Variants in HPD observed in about 807,000 individuals in gnomAD.
The protein encoded by HPD is 4-hydroxyphenylpyruvic acid oxidase.
Under a neutral mutation model 56.9 loss-of-function variants are expected in HPD, and 35 were observed. The ratio of observed to expected loss-of-function variants is 0.62; its 90% CI spans 0.47 to 0.82. The LOEUF (loss-of-function observed/expected upper bound fraction) is 0.82. Ranked by LOEUF, HPD falls within the 40% of genes least tolerant of loss-of-function variation. The pLI is 0.00. For missense variants in HPD, 442 were observed against 506.8 expected, an observed-to-expected ratio of 0.87 and a Z score of 1.23; for synonymous variants, 186 against 200.2, an observed-to-expected ratio of 0.93 and a Z score of 0.60.
the HPD span, among the ~76,000 whole-genome samples, chr12:121,870,506 C>CAA: frequency 7.2e-5 from 6 of 83,876 alleles, no homozygotes; most frequent in East Asian, 3.6e-4. Flanking sequence ...GACTCTGTCT[C>CAA]AAAAAAAAAA....
intron 7 of HPD, chr12:121,849,997 T>C: frequency 1.7e-6 from 1 of 585,738 alleles, no homozygotes; most frequent in Non-Finnish European, 3.2e-6. Context: ...GGGGACACTG[T>C]TTTGCTCATG....
At chr12:121,867,751 T>A (rs912723726), upstream of HPD, among the ~76,000 whole-genome samples, 1 of 152,150 alleles carries the variant, frequency 6.6e-6, no homozygotes, top group African/African-American at 2.4e-5. Context: ...TGACCTCAAG[T>A]GGTCCGCCTG....
the HPD span, among the ~76,000 whole-genome samples, chr12:121,883,232 GT>G: frequency 2.2e-5 from 3 of 136,176 alleles, no homozygotes. Flanking sequence ...GTGTGTGTGT[GT>G]GTGGTGGGGT....
chr12:121,861,888 C>T (rs1164315732), upstream of HPD, among the ~76,000 whole-genome samples: 1 of 152,144 alleles, frequency 6.6e-6, no homozygotes, highest in East Asian at 1.9e-4. Flanking sequence ...GTTTTCCAAA[C>T]CTGATCCCAA....
Position 121,840,057 on chromosome 12 carries a change from G to T in HPD, c.955-9C>A. 6.3e-7 allele frequency: 1 copy of T among 1,575,474 alleles called. No individual in the cohort carries two copies. The highest frequency in any genetic ancestry group is 8.7e-7 in the Non-Finnish European group (1 of 1,144,860). ...ACCAGGATTTTCAGCTCCTAGGCGG[G>T]AGACAGGGGGCTCTGCTAGGGGAGG... On this transcript the variant is annotated splice_polypyrimidine_tract_variant and intron_variant, in intron 12 of 13. Transcript: ENST00000289004.
At chr12:121,885,392 G>C in the HPD span, among the ~76,000 whole-genome samples, 6,307 of 151,602 alleles carry the variant, frequency 0.042, 417 homozygotes, top group African/African-American at 0.14. Context: ...GGTGGAGACA[G>C]AGTTTCACCA....
intron 7 of HPD, among the ~76,000 whole-genome samples, chr12:121,852,439 G>A (rs185634278): frequency 2.0e-5 from 3 of 151,978 alleles, no homozygotes; most frequent in Admixed American, 2.0e-4. Context: ...CAAACTGCTG[G>A]GATTATAGGT....
intron 12 of HPD, among the ~76,000 whole-genome samples, chr12:121,840,446 G>A (rs1467070428): frequency 6.6e-6 from 1 of 152,072 alleles, no homozygotes; most frequent in Non-Finnish European, 1.5e-5. Context: ...GACTACAGGC[G>A]CAGGCTACCA....
the HPD span, among the ~76,000 whole-genome samples, chr12:121,883,543 A>G: frequency 6.6e-6 from 1 of 152,112 alleles, no homozygotes; most frequent in African/African-American, 2.4e-5. Flanking sequence ...CTCATAATGT[A>G]GTAACCTAAC....
chr12:121,857,653 C>T (rs1878053587), intron 3 of HPD, 104 bp downstream of exon 3: 7 of 1,052,206 alleles, frequency 6.7e-6, no homozygotes, highest in Non-Finnish European at 8.9e-6. Context: ...TGGCCTGATC[C>T]TCCCTCCCAA....
At chr12:121,873,650 C>T in the HPD span, among the ~76,000 whole-genome samples, 5 of 152,136 alleles carry the variant, frequency 3.3e-5, no homozygotes, top group African/African-American at 1.2e-4. Flanking sequence ...AACCCCATCT[C>T]TACTAAAAAA....
chr12:121,888,261 C>T, the HPD span, among the ~76,000 whole-genome samples: 1 of 152,108 alleles, frequency 6.6e-6, no homozygotes, highest in Non-Finnish European at 1.5e-5. Context: ...AAGGACAGCT[C>T]TATGAGATAG....
In HPD at chr12:121,843,720, T is replaced by C. The variant is rs759466974; in HGVS notation, c.944A>G (p.Asp315Gly). Residue 315 changes from aspartate (D) to glycine (G), a missense_variant, in exon 12 of 14, where the codon GAT (aspartate) becomes GGT (glycine). Coordinates refer to ENST00000289004, the MANE Select transcript of HPD (RefSeq NM_002150.3). Reference sequence around the variant, plus strand: ...CTGCCTGGGCCTCACCTCCAGGGCATCAATGTTCTCCTTCACCTTGATCTT... The same window carrying C: ...CTGCCTGGGCCTCACCTCCAGGGCACCAATGTTCTCCTTCACCTTGATCTT... ...TAKIKVKENI[D>G]ALEELKILVD... 6.2e-7 allele frequency: 1 copy of C among 1,614,140 alleles called. No homozygotes were observed. Among genetic ancestry groups the C allele is most frequent in the South Asian group, 1.1e-5 (1 of 91,072 alleles).
At position 121,849,789 on chromosome 12, in the gene HPD, T is replaced by A. The variant is rs1192395383; in HGVS notation, c.416A>T (p.Tyr139Phe). 8.7e-6 allele frequency: 14 copies of A among 1,609,854 alleles called. No homozygotes were observed. The African/African-American group carries it at 1.9e-4, about 22-fold the overall frequency. Residue 139 changes from tyrosine to phenylalanine, a missense_variant and splice_region_variant, in exon 8 of 14, where the codon TAT (tyrosine) becomes TTT (phenylalanine). Coordinates refer to ENST00000289004, the MANE Select transcript of HPD (RefSeq NM_002150.3). ...CACCAGGGTGTGTGTGGTGTCCCCA[T>A]ACTACGGGTGGAAAACAGCCTGGCT... ...GKVKFAVLQT[Y>F]GDTTHTLVEK...
At chr12:121,871,432 A>G in the HPD span, among the ~76,000 whole-genome samples, 3 of 152,090 alleles carry the variant, frequency 2.0e-5, no homozygotes, top group East Asian at 5.8e-4. Flanking sequence ...GCAATCTACA[A>G]CTGGAGACTC....
At chr12:121,865,861 C>T (rs559217297), upstream of HPD, among the ~76,000 whole-genome samples, 5 of 151,690 alleles carry the variant, frequency 3.3e-5, no homozygotes, top group African/African-American at 4.8e-5. Flanking sequence ...TAGTGTTGGG[C>T]GCCTGTAATC....
At chr12:121,877,054 A>G in the HPD span, among the ~76,000 whole-genome samples, 2 of 148,958 alleles carry the variant, frequency 1.3e-5, no homozygotes, top group African/African-American at 5.0e-5. Flanking sequence ...AGATTGCGTC[A>G]CTGTACTCTA....
chr12:121,854,642 G>A, intron 7 of HPD, 61 bp downstream of exon 7: 1 of 1,150,726 alleles, frequency 8.7e-7, no homozygotes, highest in Non-Finnish European at 1.3e-6. Context: ...TCAGCTGCGG[G>A]GCTCCTGGCA....
At chr12:121,842,592 AT>A (rs111580122) in intron 12 of HPD, among the ~76,000 whole-genome samples, 30 of 145,556 alleles carry the variant, frequency 2.1e-4, no homozygotes, top group South Asian at 8.7e-4. Context: ...CGCACAGCTA[AT>A]TTTTTTTTTT....
Sources: gnomAD v4.1 joint callset for allele counts (sites outside exome capture counted in the v4.1 genomes callset) on GRCh38, gnomAD v4.1.1 for gene constraint, MANE v1.5 for transcripts, NCBI Gene and HGNC (gene_info 2026-07-23, HGNC 2026-07-21) for gene names.